RICTOR: variants seen among roughly 807,000 people sequenced by gnomAD.
The protein encoded by RICTOR is rapamycin-insensitive companion of mTOR.
Under a neutral mutation model 214.9 loss-of-function variants are expected in RICTOR, and 49 were observed. The ratio of observed to expected loss-of-function variants is 0.23; its 90% CI spans 0.18 to 0.29. The LOEUF (loss-of-function observed/expected upper bound fraction) is 0.29. Ranked by LOEUF, RICTOR falls within the 10% of genes least tolerant of loss-of-function variation. RICTOR has a pLI of 1.00. For missense variants in RICTOR, 1,625 were observed against 2,047.0 expected, an observed-to-expected ratio of 0.79 and a Z score of 3.98; for synonymous variants, 717 against 711.3, an observed-to-expected ratio of 1.01 and a Z score of -0.13.
At chr5:38,961,785 T>C (rs1749814530) in intron 19 of RICTOR, among the ~76,000 whole-genome samples, 1 of 152,142 alleles carries the variant, frequency 6.6e-6, no homozygotes, top group Admixed American at 6.6e-5. Flanking sequence ...AGGACCTCTT[T>C]CTGAGATCAG....
At chr5:39,044,386 G>C (rs1757352629) in intron 2 of RICTOR, among the ~76,000 whole-genome samples, 1 of 151,970 alleles carries the variant, frequency 6.6e-6, no homozygotes, top group South Asian at 2.1e-4. Context: ...TTAACAATCT[G>C]GCATTTATAA....
At chr5:38,968,355 G>C (rs1055611384) in intron 11 of RICTOR, among the ~76,000 whole-genome samples, 4 of 151,506 alleles carry the variant, frequency 2.6e-5, no homozygotes, top group Admixed American at 1.3e-4. Flanking sequence ...ATTATATATG[G>C]AATTATGTAA....
chr5:39,060,433 T>C (rs1425752576), intron 2 of RICTOR, among the ~76,000 whole-genome samples: 1 of 151,854 alleles, frequency 6.6e-6, no homozygotes, highest in Admixed American at 6.6e-5. Context: ...CTCCTAAATA[T>C]AGGGATAATA....
intron 2 of RICTOR, among the ~76,000 whole-genome samples, chr5:39,048,597 ACT>A (rs1396855872): frequency 1.3e-5 from 2 of 152,028 alleles, no homozygotes; most frequent in African/African-American, 4.8e-5. Context: ...GTCCTGTGTG[ACT>A]CTGCTGGGAA....
At chr5:39,033,613 T>G (rs547763441) in intron 2 of RICTOR, among the ~76,000 whole-genome samples, 196 of 152,226 alleles carry the variant, frequency 1.3e-3, no homozygotes, top group African/African-American at 4.6e-3. Context: ...TATGGCAATT[T>G]CTGCTGATTT....
intron 6 of RICTOR, among the ~76,000 whole-genome samples, chr5:38,992,543 A>T (rs1752865414): frequency 6.6e-6 from 1 of 152,172 alleles, no homozygotes; most frequent in African/African-American, 2.4e-5. Context: ...CAGTTTCCTC[A>T]TTTGTAAAAT....
chr5:39,064,465 A>G (rs995951296), intron 2 of RICTOR, among the ~76,000 whole-genome samples: 4 of 152,222 alleles, frequency 2.6e-5, no homozygotes, highest in African/African-American at 7.2e-5. Flanking sequence ...TCACCAATAT[A>G]AAGTATTTAG....
intron 2 of RICTOR, among the ~76,000 whole-genome samples, chr5:39,036,059 C>T (rs1460078201): frequency 2.6e-5 from 4 of 152,142 alleles, no homozygotes; most frequent in Admixed American, 1.3e-4. Flanking sequence ...TTAAGGGAAG[C>T]CAGAGAGAAA....
chr5:39,056,074 T>C (rs1377236022), intron 2 of RICTOR, among the ~76,000 whole-genome samples: 2 of 152,182 alleles, frequency 1.3e-5, no homozygotes, highest in South Asian at 2.1e-4. Context: ...GTTTGAAACA[T>C]ATTAGGTTTG....
At chr5:38,998,789 C>T (rs982060530) in intron 5 of RICTOR, among the ~76,000 whole-genome samples, 3 of 151,930 alleles carry the variant, frequency 2.0e-5, no homozygotes, top group East Asian at 1.9e-4. Context: ...CAGAGGCAGG[C>T]GGATTGCTGG....
intron 24 of RICTOR, among the ~76,000 whole-genome samples, chr5:38,958,232 C>A (rs1435281428): frequency 4.0e-5 from 6 of 150,390 alleles, no homozygotes; most frequent in African/African-American, 1.5e-4. Flanking sequence ...GCGAGGCCGT[C>A]TCAATAAAAA....
At chr5:39,004,704 C>T (rs913666498) in intron 3 of RICTOR, among the ~76,000 whole-genome samples, 3 of 151,146 alleles carry the variant, frequency 2.0e-5, no homozygotes, top group Admixed American at 6.6e-5. Flanking sequence ...AGGTGATCCA[C>T]GATCTGCCTG....
intron 3 of RICTOR, among the ~76,000 whole-genome samples, chr5:39,019,018 A>C (rs979145761): frequency 2.6e-5 from 4 of 152,208 alleles, no homozygotes; most frequent in African/African-American, 7.2e-5. Context: ...TCCAGATAGA[A>C]GATTAAACTG....
chr5:38,967,078 G>T, intron 14 of RICTOR, 83 bp downstream of exon 14: 1 of 1,073,948 alleles, frequency 9.3e-7, no homozygotes, highest in Non-Finnish European at 1.4e-6. Context: ...TGGGATTACA[G>T]GCGTGAGTCA....
intron 3 of RICTOR, among the ~76,000 whole-genome samples, chr5:39,004,840 G>A (rs1466965137): frequency 2.1e-5 from 3 of 142,784 alleles, no homozygotes; most frequent in Non-Finnish European, 4.5e-5. Context: ...GGAGCGCAAT[G>A]GTGCAATCTC....
chr5:38,996,686 A>C, intron 6 of RICTOR, 133 bp downstream of exon 6: 1 of 537,516 alleles, frequency 1.9e-6, no homozygotes, highest in Non-Finnish European at 3.2e-6. Flanking sequence ...TTTAATATAA[A>C]ACTTTAATAA....
chr5:38,981,269 A>G (rs1381447244), intron 8 of RICTOR: 2 of 152,122 alleles, frequency 1.3e-5, no homozygotes, highest in African/African-American at 4.8e-5. Context: ...CAACAATGCA[A>G]TACATGCACA....
chr5:38,942,920 C>T lies in RICTOR; in HGVS notation c.4965G>A (p.Glu1655=). The change falls in exon 37 of 38, where the codon GAG becomes GAA. Residue 1655 remains glutamate (E), a synonymous_variant. Coordinates refer to ENST00000357387, the MANE Select transcript of RICTOR (RefSeq NM_152756.5). ...TGCAGTGTGACAGCAAATGGGAAAC[C>T]TCAGAGTAAAGGCATATGTCATCAA... ...QTFDDICLYS[E]VSHLLSHCTF... 6.2e-7 allele frequency: 1 copy of T among 1,607,504 alleles called. No individual in the cohort carries two copies. The highest frequency in any genetic ancestry group is 8.5e-7 in the Non-Finnish European group (1 of 1,174,064).
At position 39,074,320 on chromosome 5, in the gene RICTOR, C is replaced by A. The variant is rs1311146400; in HGVS notation, c.49+9G>T. 1.3e-6 allele frequency: 2 copies of A among 1,533,280 alleles called. No individual in the cohort carries two copies. The highest frequency in any genetic ancestry group is 1.8e-6 in the Non-Finnish European group (2 of 1,137,492). The allele number at this position is 1,533,280 out of a possible 1,614,324, so 95.0% of individuals were successfully genotyped here. On this transcript the variant is annotated intron_variant, in intron 1 of 37. Transcript: ENST00000357387. The stretch of plus-strand genomic sequence containing the variant: ...GGGCGGTGGGGAGTGAGGGTTGCAG[C>A]GGGCTTACCTCGTACTCGGAGGTTC...
Sources: allele counts gnomAD v4.1 joint callset (sites outside exome capture counted in the v4.1 genomes callset), GRCh38; gene constraint gnomAD v4.1.1; transcripts MANE v1.5; gene names NCBI Gene and HGNC (gene_info 2026-07-23, HGNC 2026-07-21).